RAPGEF4: variants seen among roughly 807,000 people sequenced by gnomAD.
The protein encoded by RAPGEF4 is Rap guanine nucleotide exchange factor 4.
A neutral mutation model predicts 147.9 loss-of-function variants in RAPGEF4; 66 were observed. The observed-to-expected ratio is 0.45, with a 90% CI of 0.37 to 0.55. The LOEUF is 0.55. Ranked by LOEUF, RAPGEF4 falls within the 20% of genes least tolerant of loss-of-function variation. The pLI is 0.00. For missense variants in RAPGEF4, 1,071 were observed against 1,257.3 expected (o/e 0.85, Z 2.24); for synonymous variants, 419 against 442.7 (o/e 0.95, Z 0.67).
At chr2:172,785,470 T>G (rs185066235) in intron 1 of RAPGEF4, among the ~76,000 whole-genome samples, 1 of 152,318 alleles carries the variant, frequency 6.6e-6, no homozygotes, top group African/African-American at 2.4e-5. Flanking sequence ...AAAGCTCACA[T>G]GCATTATCTC....
At chr2:172,875,291 C>T (rs2149827298) in intron 4 of RAPGEF4, among the ~76,000 whole-genome samples, 1 of 152,264 alleles carries the variant, frequency 6.6e-6, no homozygotes, top group East Asian at 1.9e-4. Context: ...GTTGCCATCG[C>T]TTTTGGTGTT....
chr2:173,031,939 A>G (rs1697229809), intron 26 of RAPGEF4, among the ~76,000 whole-genome samples: 1 of 152,198 alleles, frequency 6.6e-6, no homozygotes. Context: ...AAAGCCTCCC[A>G]TGCAACTCCA....
intron 4 of RAPGEF4, among the ~76,000 whole-genome samples, chr2:172,881,756 T>C (rs1696660027): frequency 6.6e-6 from 1 of 152,274 alleles, no homozygotes; most frequent in South Asian, 2.1e-4. Flanking sequence ...CCAACACGTT[T>C]GTAGTTTTTT....
chr2:172,741,080 C>T (rs1358833367), intron 1 of RAPGEF4, among the ~76,000 whole-genome samples: 1 of 152,178 alleles, frequency 6.6e-6, no homozygotes, highest in African/African-American at 2.4e-5. Context: ...ACATCCTCTT[C>T]CTAGAGCAAC....
At position 172,928,618 on chromosome 2, in the gene RAPGEF4, T is replaced by C. The variant is rs192627873; in HGVS notation, c.537+6318T>C. Among the ~76,000 whole-genome samples the C allele has an allele frequency of 7.9e-5, 12 of 152,340 alleles. No individual in the cohort carries two copies. In the South Asian group the frequency reaches 1.7e-3, roughly 21 times the overall value. The stretch of plus-strand genomic sequence containing the variant: ...ACATTTGGTGATTGTTTTAATATTC[T>C]ATGTTTGGTTTCTTTGCAATTTTTA... On this transcript the variant is annotated intron_variant, in intron 6 of 30. Transcript: ENST00000397081.
chr2:172,891,506 T>C (rs62174620), intron 4 of RAPGEF4, among the ~76,000 whole-genome samples: 29,135 of 152,180 alleles, frequency 0.19, 3,472 homozygotes, highest in Middle Eastern at 0.29. Flanking sequence ...TATCTCAAAA[T>C]TCTGGGCTGG....
At chr2:172,736,149 C>T (rs1693740443) in intron 1 of RAPGEF4, 101 bp downstream of exon 1, 3 of 952,236 alleles carry the variant, frequency 3.2e-6, no homozygotes, top group Non-Finnish European at 4.1e-6. Flanking sequence ...GGCCGGGCTG[C>T]GGGTGGCCGG....
intron 17 of RAPGEF4, among the ~76,000 whole-genome samples, chr2:173,013,866 G>A (rs1285401158): frequency 1.3e-5 from 2 of 152,182 alleles, no homozygotes; most frequent in Non-Finnish European, 1.5e-5. Flanking sequence ...GTGTAAAAAT[G>A]TGTCTGAGGC....
intron 1 of RAPGEF4, chr2:172,744,170 A>T (rs1694560071): frequency 2.4e-5 from 6 of 250,424 alleles, no homozygotes; most frequent in South Asian, 2.2e-4. Flanking sequence ...CTAACCAGTC[A>T]CTAATTGTCT....
chr2:172,936,488 ATTC>A (rs1686584002), intron 6 of RAPGEF4, among the ~76,000 whole-genome samples: 1 of 152,160 alleles, frequency 6.6e-6, no homozygotes. Context: ...ATAGTTTCAT[ATTC>A]TTCCTTTTTC....
chr2:172,852,345 T>C (rs369050187), intron 4 of RAPGEF4, among the ~76,000 whole-genome samples: 397 of 152,304 alleles, frequency 2.6e-3, no homozygotes, highest in African/African-American at 8.9e-3. Flanking sequence ...ATTGTCAATT[T>C]TGATGAATTG....
chr2:172,997,336 C>A (rs973436012), intron 16 of RAPGEF4, among the ~76,000 whole-genome samples: 5 of 152,180 alleles, frequency 3.3e-5, no homozygotes, highest in Admixed American at 6.5e-5. Flanking sequence ...ATAAGGATGG[C>A]AGTCATATTG....
intron 6 of RAPGEF4, among the ~76,000 whole-genome samples, chr2:172,924,990 CA>C: frequency 6.6e-6 from 1 of 152,080 alleles, no homozygotes; most frequent in African/African-American, 2.4e-5. Flanking sequence ...TTCTGTTGCC[CA>C]GGCTGGAGTG....
intron 27 of RAPGEF4, 104 bp downstream of exon 27, chr2:173,034,068 T>C (rs1683586364): frequency 9.1e-7 from 1 of 1,101,408 alleles, no homozygotes; most frequent in Non-Finnish European, 1.3e-6. Context: ...TGTCCTTATA[T>C]GACTTTAAGA....
intron 12 of RAPGEF4, among the ~76,000 whole-genome samples, chr2:172,987,271 C>T (rs1692361167): frequency 6.6e-6 from 1 of 152,104 alleles, no homozygotes; most frequent in African/African-American, 2.4e-5. Flanking sequence ...CACTGCACTC[C>T]AGCCTAGGTG....
At chr2:172,775,294 C>G (rs2149496565) in intron 1 of RAPGEF4, among the ~76,000 whole-genome samples, 1 of 152,292 alleles carries the variant, frequency 6.6e-6, no homozygotes, top group Admixed American at 6.5e-5. Context: ...TAATTAAATG[C>G]AATCATTCAA....
chr2:172,990,224 A>C (rs942114933), intron 14 of RAPGEF4, among the ~76,000 whole-genome samples: 2 of 152,190 alleles, frequency 1.3e-5, no homozygotes, highest in African/African-American at 4.8e-5. Context: ...AACTCCTTCA[A>C]GTTTACACAC....
intron 1 of RAPGEF4, among the ~76,000 whole-genome samples, chr2:172,751,636 A>G (rs2149443717): frequency 6.6e-6 from 1 of 152,300 alleles, no homozygotes; most frequent in Non-Finnish European, 1.5e-5. Flanking sequence ...GTCTTTCTGT[A>G]GAAGTGATAT....
intron 6 of RAPGEF4, among the ~76,000 whole-genome samples, chr2:172,935,659 T>G (rs1308633171): frequency 6.6e-6 from 1 of 152,268 alleles, no homozygotes; most frequent in Non-Finnish European, 1.5e-5. Context: ...CATCACATTT[T>G]GCAGTAGCTG....
Sources: gnomAD v4.1 joint callset for allele counts (sites outside exome capture counted in the v4.1 genomes callset) on GRCh38, gnomAD v4.1.1 for gene constraint, MANE v1.5 for transcripts, NCBI Gene and HGNC (gene_info 2026-07-23, HGNC 2026-07-21) for gene names.